AMMECR1: variants seen among roughly 807,000 people sequenced by gnomAD.
AMMECR1 encodes the protein AMMECR nuclear protein 1, also known as nuclear protein AMMECR1.
AMMECR1 carries 3 observed loss-of-function variants against 22.5 expected under a neutral mutation model. That is an observed-to-expected ratio of 0.13 (90% confidence interval 0.06 to 0.35). The LOEUF (loss-of-function observed/expected upper bound fraction) is 0.35. Among genes scored for constraint, AMMECR1 ranks in the 10% least tolerant of loss-of-function variants. AMMECR1 has a pLI of 1.00. For synonymous variants in AMMECR1, 130 were observed against 116.7 expected, an observed-to-expected ratio of 1.11 and a Z score of -0.74; for missense variants, 235 against 278.7, an observed-to-expected ratio of 0.84 and a Z score of 1.12.
intron 2 of AMMECR1, among the ~76,000 whole-genome samples, chrX:110,370,230 C>G (rs1569416341): frequency 9.0e-6 from 1 of 111,529 alleles, no homozygotes; most frequent in East Asian, 2.8e-4. Flanking sequence ...TTTTTAAAGA[C>G]AGAGTATCAC....
At chrX:110,380,635 A>C (rs2068412484) in intron 2 of AMMECR1, among the ~76,000 whole-genome samples, 1 of 112,555 alleles carries the variant, frequency 8.9e-6, no homozygotes, top group Non-Finnish European at 1.9e-5. Flanking sequence ...CCAAATAGTC[A>C]AAGTAAACCT....
intron 2 of AMMECR1, among the ~76,000 whole-genome samples, chrX:110,239,007 C>T (rs1037550930): frequency 1.8e-5 from 2 of 111,633 alleles, no homozygotes; most frequent in Non-Finnish European, 3.8e-5. Flanking sequence ...GCATCAACAT[C>T]AACAAAAAAG....
Position 110,198,495 on chromosome X carries a change from C to T in AMMECR1, c.*25G>A. Reference sequence around the variant, plus strand: ...CTGGGAAGAGGTCTGCAGAGAGGCCCAGTGACTGGTTGTGCGGCTCAGTGT... The same window carrying T: ...CTGGGAAGAGGTCTGCAGAGAGGCCTAGTGACTGGTTGTGCGGCTCAGTGT... On this transcript the variant is annotated 3_prime_UTR_variant, in exon 6 of 6. Transcript: ENST00000262844. 1.9e-6 allele frequency: 2 copies of T among 1,060,512 alleles called. No individual in the cohort carries two copies. The highest frequency in any genetic ancestry group is 2.6e-6 in the Non-Finnish European group (2 of 778,705). 87.4% of individuals were successfully genotyped at this position (1,060,512 alleles called of 1,213,427 possible). A position where few individuals can be genotyped will look rare whatever the true frequency, so the allele number is the denominator to read the frequency against.
intron 2 of AMMECR1, among the ~76,000 whole-genome samples, chrX:110,352,129 A>T (rs1161913488): frequency 8.9e-6 from 1 of 112,392 alleles, no homozygotes; most frequent in African/African-American, 3.2e-5. Context: ...GGAATATTAA[A>T]TGGTGCAGCC....
At chrX:110,306,399 C>T (rs1372488224) in intron 1 of AMMECR1, among the ~76,000 whole-genome samples, 4 of 112,354 alleles carry the variant, frequency 3.6e-5, no homozygotes, top group Non-Finnish European at 5.6e-5. Context: ...ATAAATACCT[C>T]GAAGCCTAAA....
At chrX:110,303,348 G>A (rs981138810) in intron 1 of AMMECR1, among the ~76,000 whole-genome samples, 2 of 111,898 alleles carry the variant, frequency 1.8e-5, no homozygotes, top group African/African-American at 6.5e-5. Context: ...TCTACACTAT[G>A]GAGGTGCCTG....
At chrX:110,351,418 G>T (rs2068210873) in intron 2 of AMMECR1, among the ~76,000 whole-genome samples, 1 of 112,245 alleles carries the variant, frequency 8.9e-6, no homozygotes, top group Non-Finnish European at 1.9e-5. Flanking sequence ...ATAGAATGAA[G>T]GGTCCAGAGA....
At chrX:110,436,352 C>T (rs749517858) in intron 1 of AMMECR1, among the ~76,000 whole-genome samples, 1 of 111,778 alleles carries the variant, frequency 8.9e-6, no homozygotes, top group South Asian at 3.8e-4. Context: ...TAAGGTGTGG[C>T]TTAAGGAGAG....
At chrX:110,396,273 T>A (rs1443880489) in intron 2 of AMMECR1, among the ~76,000 whole-genome samples, 1 of 111,658 alleles carries the variant, frequency 9.0e-6, no homozygotes, top group African/African-American at 3.3e-5. Context: ...AAATATAGTA[T>A]AATGAACCCC....
At chrX:110,372,857 A>C (rs2068349144) in intron 2 of AMMECR1, among the ~76,000 whole-genome samples, 2 of 111,788 alleles carry the variant, frequency 1.8e-5, no homozygotes, top group African/African-American at 6.5e-5. Context: ...TATATTCCTT[A>C]AAGGATGAGA....
At chrX:110,307,798 A>C (rs908366118) in intron 1 of AMMECR1, among the ~76,000 whole-genome samples, 6 of 109,170 alleles carry the variant, frequency 5.5e-5, no homozygotes, top group Non-Finnish European at 1.1e-4. Flanking sequence ...AAAAGGACCC[A>C]TAGCAGGTCC....
chrX:110,392,947 T>C (rs1232943308), intron 2 of AMMECR1, among the ~76,000 whole-genome samples: 7 of 112,352 alleles, frequency 6.2e-5, no homozygotes, highest in Non-Finnish European at 1.3e-4. Context: ...TTAGAAAGCA[T>C]ATGGCTAAAG....
chrX:110,247,595 G>C (rs1384358851), intron 2 of AMMECR1, among the ~76,000 whole-genome samples: 1 of 110,870 alleles, frequency 9.0e-6, no homozygotes, highest in East Asian at 2.8e-4. Flanking sequence ...GGTGGCTGAG[G>C]TAGGAGAATC....
chrX:110,332,020 A>AG (rs1054882944), intron 2 of AMMECR1, among the ~76,000 whole-genome samples: 2 of 111,610 alleles, frequency 1.8e-5, no homozygotes, highest in African/African-American at 3.3e-5. Context: ...CTCCTTTATC[A>AG]GGCTACTCTG....
chrX:110,293,340 A>G (rs1416834262), intron 1 of AMMECR1, among the ~76,000 whole-genome samples: 2 of 111,726 alleles, frequency 1.8e-5, no homozygotes, highest in African/African-American at 6.5e-5. Context: ...CTGTCAGAAG[A>G]TTTTAAAGTA....
chrX:110,279,969 TATC>T (rs1469545791), intron 1 of AMMECR1, among the ~76,000 whole-genome samples: 1 of 111,939 alleles, frequency 8.9e-6, no homozygotes, highest in East Asian at 2.8e-4. Context: ...TTTTTCAAAT[TATC>T]ATGAAAATAT....
At chrX:110,432,858 G>A in intron 1 of AMMECR1, among the ~76,000 whole-genome samples, 1 of 113,004 alleles carries the variant, frequency 8.8e-6, no homozygotes, top group East Asian at 2.8e-4. Flanking sequence ...TTGGCAAAGA[G>A]CTTTCACAGC....
intron 3 of AMMECR1, among the ~76,000 whole-genome samples, chrX:110,205,784 A>G (rs1470421343): frequency 8.9e-6 from 1 of 111,932 alleles, no homozygotes; most frequent in East Asian, 2.8e-4. Flanking sequence ...TGCTAAGCAA[A>G]GCTAAAAATC....
At chrX:110,270,021 G>A (rs952024573) in intron 1 of AMMECR1, among the ~76,000 whole-genome samples, 4 of 111,351 alleles carry the variant, frequency 3.6e-5, no homozygotes, top group Non-Finnish European at 5.7e-5. Context: ...GCTGCTATAC[G>A]GCCACTTTGT....
Sources: allele counts gnomAD v4.1 joint callset (sites outside exome capture counted in the v4.1 genomes callset), GRCh38; gene constraint gnomAD v4.1.1; transcripts MANE v1.5; gene names NCBI Gene and HGNC (gene_info 2026-07-23, HGNC 2026-07-21).